ZNHIT2: variants seen among roughly 807,000 people sequenced by gnomAD.
ZNHIT2 encodes the protein zinc finger HIT domain-containing protein 2.
ZNHIT2 carries 16 observed loss-of-function variants against 18.0 expected under a neutral mutation model. The ratio of observed to expected loss-of-function variants is 0.89; its 90% CI spans 0.60 to 1.35. The LOEUF is 1.35. Among genes scored for constraint, ZNHIT2 ranks in the 40% most tolerant of loss-of-function variants. The probability of loss-of-function intolerance (pLI) is 0.00; values close to 1 mark genes in which losing one functional copy is unlikely to be tolerated. For synonymous variants in ZNHIT2, 336 were observed against 269.8 expected (o/e 1.25, Z -2.41); for missense variants, 631 against 566.4 (o/e 1.11, Z -1.16).
In ZNHIT2 at chr11:65,117,169, G is replaced by A; in HGVS notation, c.485C>T (p.Pro162Leu). The change falls in exon 1 of 1, where the codon CCG becomes CTG. Residue 162 changes from proline (P) to leucine (L), a missense_variant. Coordinates refer to ENST00000310597, the MANE Select transcript of ZNHIT2 (RefSeq NM_014205.4). ...GGAGGCATCTTTCACAGAATCCGGC[G>A]GGGTCCTCGCAGGGGCGAGCTCCAG... ...AELELAPART[P>L]PDSVKDASAA... The A allele has an allele frequency of 1.3e-6, 2 of 1,566,322 alleles. No individual in the cohort carries two copies. Among genetic ancestry groups the A allele is most frequent in the Non-Finnish European group, 1.7e-6 (2 of 1,161,290 alleles).
In ZNHIT2 at chr11:65,117,378, G is replaced by A. The variant is rs754508855; in HGVS notation, c.276C>T (p.Pro92=). 4.7e-6 allele frequency: 7 copies of A among 1,499,362 alleles called. No homozygotes were observed. The East Asian group carries it at 1.3e-4, about 28-fold the overall frequency. The allele number at this position is 1,499,362 out of a possible 1,614,324, so 92.9% of individuals were successfully genotyped here. A position where few individuals can be genotyped will look rare whatever the true frequency, so the allele number is the denominator to read the frequency against. ...GEAGLSSGPA[P]GGLSGLWERL... ...GCTCCCAGAGTCCCGATAGGCCGCCGGGCGCCGGGCCGGAGCTGAGGCCTG... is the reference window on the plus strand; with the variant it reads ...GCTCCCAGAGTCCCGATAGGCCGCCAGGCGCCGGGCCGGAGCTGAGGCCTG... The change falls in exon 1 of 1, where the codon CCC becomes CCT. Residue 92 remains proline, a synonymous_variant. Transcript: ENST00000310597.
chr11:65,117,042 G>A lies in ZNHIT2; in HGVS notation c.612C>T (p.Arg204=), dbSNP rs375448495. 68 of 1,594,016 alleles carry A rather than the reference G, an allele frequency of 4.3e-5. No individual in the cohort carries two copies. The highest frequency in any genetic ancestry group is 5.5e-5 in the Non-Finnish European group (65 of 1,172,734). The change falls in exon 1 of 1, where the codon CGC becomes CGT. Residue 204 remains arginine, a synonymous_variant. Transcript: ENST00000310597. ...AGCGCACGAGCGGCGAGACTGGGCC[G>A]CGGCTCAGGCTGACTATCGCGGGGA... ...TRIPAIVSLS[R]GPVSPLVRFQ...
chr11:65,117,478 G>A lies in ZNHIT2; in HGVS notation c.176C>T (p.Ala59Val). ...GGCGCTTGCTAGGCGGCTGGGAGGA[G>A]CGCTGCAACCGCGGAGCTCTCCCAG... Reference protein sequence around the residue: ...QVLGELRGCSAPPSRLASALR... With the variant: ...QVLGELRGCSVPPSRLASALR... The change falls in exon 1 of 1, where the codon GCT becomes GTT. Residue 59 changes from alanine (A) to valine (V), a missense_variant. Physicochemically the swap from Ala to Val is moderately conservative, Grantham distance 64. Coordinates refer to ENST00000310597, the MANE Select transcript of ZNHIT2 (RefSeq NM_014205.4). 1 of 1,561,774 alleles carries A rather than the reference G, an allele frequency of 6.4e-7. No individual in the cohort carries two copies. The highest frequency in any genetic ancestry group is 8.6e-7 in the Non-Finnish European group (1 of 1,163,304).
rs750406467 is a variant in ZNHIT2, at chr11:65,117,177, C to T, written c.477G>A (p.Ala159=). Residue 159 remains alanine, a synonymous_variant, in exon 1 of 1, where the codon GCG becomes GCA. Transcript: ENST00000310597. Reference sequence around the variant, plus strand: ...CTTTCACAGAATCCGGCGGGGTCCTCGCAGGGGCGAGCTCCAGCTCCGCGG... The same window carrying T: ...CTTTCACAGAATCCGGCGGGGTCCTTGCAGGGGCGAGCTCCAGCTCCGCGG... ...SDAAELELAP[A]RTPPDSVKDA... is the part of the protein sequence containing the mutation. The T allele has an allele frequency of 7.1e-6, 11 of 1,558,872 alleles. No homozygotes were observed. The highest frequency in any genetic ancestry group is 1.7e-4 in the Middle Eastern group (1 of 5,878).
chr11:65,117,454 G>C lies in ZNHIT2; in HGVS notation c.200C>G (p.Ala67Gly). 6.5e-7 allele frequency: 1 copy of C among 1,534,552 alleles called. No individual in the cohort carries two copies. The highest frequency in any genetic ancestry group is 8.7e-7 in the Non-Finnish European group (1 of 1,148,472). ...CSAPPSRLAS[A>G]LRRLRQQRET... ...GCGTTGCTGACGCAGCCGGCGTAGG[G>C]CGCTTGCTAGGCGGCTGGGAGGAGC... Residue 67 changes from alanine to glycine, a missense_variant, in exon 1 of 1, where the codon GCC becomes GGC. Physicochemically the swap from Ala to Gly is moderately conservative, Grantham distance 60. Coordinates refer to ENST00000310597, the MANE Select transcript of ZNHIT2 (RefSeq NM_014205.4).
Position 65,117,139 on chromosome 11 carries a change from G to GCGGCGGAGGCATCTTTCACAGAATC in ZNHIT2, c.490_514dup (p.Ala172GlyfsTer70). ...AACCCGCTCGGCGGCCGCGGGCTCC[G>GCGGCGGAGGCATCTTTCACAGAATC]CGGCGGAGGCATCTTTCACAGAATC... On this transcript the variant is annotated frameshift_variant, in exon 1 of 1. Coordinates refer to ENST00000310597, the MANE Select transcript of ZNHIT2 (RefSeq NM_014205.4). LOFTEE classifies it high-confidence loss of function. The GCGGCGGAGGCATCTTTCACAGAATC allele has an allele frequency of 6.3e-7, 1 of 1,578,588 alleles. No individual in the cohort carries two copies. The highest frequency in any genetic ancestry group is 1.3e-5 in the African/African-American group (1 of 74,326).
In ZNHIT2 at chr11:65,117,624, G is replaced by C; in HGVS notation, c.30C>G (p.Cys10Trp). The C allele has an allele frequency of 4.0e-6, 6 of 1,488,348 alleles. No individual in the cohort carries two copies. The highest frequency in any genetic ancestry group is 5.3e-6 in the Non-Finnish European group (6 of 1,123,232). 92.2% of individuals were successfully genotyped at this position (1,488,348 alleles called of 1,614,324 possible). The change falls in exon 1 of 1, where the codon TGC (cysteine) becomes TGG (tryptophan). Residue 10 changes from cysteine (C) to tryptophan (W), a missense_variant. Cys to Trp is a radical substitution (Grantham distance 215). Coordinates refer to ENST00000310597, the MANE Select transcript of ZNHIT2 (RefSeq NM_014205.4). MEPAGPCGF[C>W]PAGEVQPARY... ...GCGCTGGCTGGACCTCCCCCGCCGG[G>C]CAGAAGCCACAGGGCCCGGCCGGCT...
Position 65,117,116 on chromosome 11 carries a change from C to A in ZNHIT2, c.538G>T (p.Val180Phe). 6.3e-7 allele frequency: 1 copy of A among 1,583,066 alleles called. No individual in the cohort carries two copies. Reference protein sequence around the residue: ...SAAEPAAAERVLGDVPGACTP... With the variant: ...SAAEPAAAERFLGDVPGACTP... ...CAGGCCCCCGGGACATCTCCAAGAA[C>A]CCGCTCGGCGGCCGCGGGCTCCGCG... The change falls in exon 1 of 1, where the codon GTT becomes TTT. Residue 180 changes from valine to phenylalanine, a missense_variant. Val to Phe is a conservative substitution (Grantham distance 50). Transcript: ENST00000310597.
At position 65,116,628 on chromosome 11, in the gene ZNHIT2, G is replaced by A. The variant is rs754951975; in HGVS notation, c.1026C>T (p.Phe342=). The stretch of plus-strand genomic sequence containing the variant: ...CATTTTCGTTGGTCCAGGCCAGGAG[G>A]AACTGGCACTTTTTCCGGGCCCGGT... ...HLYRARKKCQ[F]LLAWTNENEA... Residue 342 remains phenylalanine, a synonymous_variant, in exon 1 of 1, where the codon TTC becomes TTT. Coordinates refer to ENST00000310597, the MANE Select transcript of ZNHIT2 (RefSeq NM_014205.4). The A allele has an allele frequency of 5.6e-6, 9 of 1,614,014 alleles. No individual in the cohort carries two copies. The highest frequency in any genetic ancestry group is 1.7e-4 in the Middle Eastern group (1 of 6,060).
Position 65,116,741 on chromosome 11 carries a change from AGCCT to A in ZNHIT2, c.909_912del (p.Lys303AsnfsTer56). 6.2e-7 allele frequency: 1 copy of A among 1,611,746 alleles called. No homozygotes were observed. The highest frequency in any genetic ancestry group is 8.5e-7 in the Non-Finnish European group (1 of 1,178,482). ...AGGTCCCCCAGTGCTGCCAGCGTGTAGCCTTTCTGGTTGGTCGGGCCCTCGCCCA... is the reference window on the plus strand; with the variant it reads ...AGGTCCCCCAGTGCTGCCAGCGTGTATTCTGGTTGGTCGGGCCCTCGCCCA... On this transcript the variant is annotated frameshift_variant, in exon 1 of 1. Coordinates refer to ENST00000310597, the MANE Select transcript of ZNHIT2 (RefSeq NM_014205.4). LOFTEE classifies it high-confidence loss of function.
In ZNHIT2 at chr11:65,116,808, G is replaced by C. The variant is rs1947993446; in HGVS notation, c.846C>G (p.Gly282=). The change falls in exon 1 of 1, where the codon GGC becomes GGG. Residue 282 remains glycine (G), a synonymous_variant. Coordinates refer to ENST00000310597, the MANE Select transcript of ZNHIT2 (RefSeq NM_014205.4). ...EAGEHPPGPL[G]TRGAMHEVAR... ...CGACCTCGTGCATAGCCCCTCGTGT[G>C]CCCAGGGGCCCCGGCGGGTGCTCGC... The C allele has an allele frequency of 2.5e-6, 4 of 1,609,374 alleles. No homozygotes were observed. The South Asian group carries it at 4.4e-5, about 18-fold the overall frequency.
At position 65,116,794 on chromosome 11, in the gene ZNHIT2, A is replaced by G. The variant is rs901814810; in HGVS notation, c.860T>C (p.Met287Thr). The part of the protein sequence containing the change: ...PPGPLGTRGA[M>T]HEVARILLGE... Reference sequence around the variant, plus strand: ...CAGCAGGATGCGGGCGACCTCGTGCATAGCCCCTCGTGTGCCCAGGGGCCC... The same window carrying G: ...CAGCAGGATGCGGGCGACCTCGTGCGTAGCCCCTCGTGTGCCCAGGGGCCC... The change falls in exon 1 of 1, where the codon ATG (methionine) becomes ACG (threonine). Residue 287 changes from methionine (M) to threonine (T), a missense_variant. Transcript: ENST00000310597. 3 of 1,609,282 alleles carry G rather than the reference A, an allele frequency of 1.9e-6. No individual in the cohort carries two copies. The South Asian group carries it at 3.3e-5, about 18-fold the overall frequency.
chr11:65,116,411 C>A lies in ZNHIT2; in HGVS notation c.*31G>T. 1 of 1,509,124 alleles carries A rather than the reference C, an allele frequency of 6.6e-7. No individual in the cohort carries two copies. The highest frequency in any genetic ancestry group is 8.9e-7 in the Non-Finnish European group (1 of 1,128,288). 93.5% of individuals were successfully genotyped at this position (1,509,124 alleles called of 1,614,324 possible). A position where few individuals can be genotyped will look rare whatever the true frequency, so the allele number is the denominator to read the frequency against. ...GAAACAAGCAACAGGGCTGACCAGT[C>A]ACAGCTTTATTAATGACCAGGGTAA... On this transcript the variant is annotated 3_prime_UTR_variant, in exon 1 of 1. Coordinates refer to ENST00000310597, the MANE Select transcript of ZNHIT2 (RefSeq NM_014205.4).
chr11:65,117,094 G>C lies in ZNHIT2; in HGVS notation c.560C>G (p.Ala187Gly), dbSNP rs1947999491. The C allele has an allele frequency of 6.3e-7, 1 of 1,592,206 alleles. No homozygotes were observed. The highest frequency in any genetic ancestry group is 1.1e-5 in the South Asian group (1 of 89,428). The change falls in exon 1 of 1, where the codon GCC becomes GGC. Residue 187 changes from alanine (A) to glycine (G), a missense_variant. By Grantham distance (60) the Ala-to-Gly change is moderately conservative. Coordinates refer to ENST00000310597, the MANE Select transcript of ZNHIT2 (RefSeq NM_014205.4). ...GCGGGTGGGTACGACGGGCGTGCAG[G>C]CCCCCGGGACATCTCCAAGAACCCG... ...AERVLGDVPG[A>G]CTPVVPTRIP... is the part of the protein sequence containing the mutation.
At position 65,117,417 on chromosome 11, in the gene ZNHIT2, G is replaced by A. The variant is rs1476547525; in HGVS notation, c.237C>T (p.Asp79=). The change falls in exon 1 of 1, where the codon GAC becomes GAT. Residue 79 remains aspartate (D), a synonymous_variant. Coordinates refer to ENST00000310597, the MANE Select transcript of ZNHIT2 (RefSeq NM_014205.4). Reference sequence around the variant, plus strand: ...AGCTGAGGCCTGCTTCCCCAGGCTCGTCCTCGGTCTCGCGTTGCTGACGCA... The same window carrying A: ...AGCTGAGGCCTGCTTCCCCAGGCTCATCCTCGGTCTCGCGTTGCTGACGCA... ...RRLRQQRETE[D]EPGEAGLSSG... 2 of 1,495,468 alleles carry A rather than the reference G, an allele frequency of 1.3e-6. No homozygotes were observed. The highest frequency in any genetic ancestry group is 1.3e-5 in the South Asian group (1 of 79,596). The allele number at this position is 1,495,468 out of a possible 1,614,324, so 92.6% of individuals were successfully genotyped here. A position where few individuals can be genotyped will look rare whatever the true frequency, so the allele number is the denominator to read the frequency against.
chr11:65,117,388 C>G lies in ZNHIT2; in HGVS notation c.266G>C (p.Gly89Ala), dbSNP rs550156672. The change falls in exon 1 of 1, where the codon GGC becomes GCC. Residue 89 changes from glycine (G) to alanine (A), a missense_variant. Physicochemically the swap from Gly to Ala is moderately conservative, Grantham distance 60. Coordinates refer to ENST00000310597, the MANE Select transcript of ZNHIT2 (RefSeq NM_014205.4). ...DEPGEAGLSS[G>A]PAPGGLSGLW... Reference sequence around the variant, plus strand: ...TCCCGATAGGCCGCCGGGCGCCGGGCCGGAGCTGAGGCCTGCTTCCCCAGG... The same window carrying G: ...TCCCGATAGGCCGCCGGGCGCCGGGGCGGAGCTGAGGCCTGCTTCCCCAGG... The G allele has an allele frequency of 2.0e-6, 3 of 1,497,446 alleles. No homozygotes were observed. The highest frequency in any genetic ancestry group is 2.6e-5 in the East Asian group (1 of 38,486). The allele number at this position is 1,497,446 out of a possible 1,614,324, so 92.8% of individuals were successfully genotyped here.
Position 65,117,399 on chromosome 11 carries a change from G to A in ZNHIT2, c.255C>T (p.Gly85=), listed in dbSNP as rs771499798. The A allele has an allele frequency of 1.7e-5, 26 of 1,496,360 alleles. No homozygotes were observed. In the Admixed American group the frequency reaches 3.8e-4, roughly 22 times the overall value. 92.7% of individuals were successfully genotyped at this position (1,496,360 alleles called of 1,614,324 possible). ...CGCCGGGCGCCGGGCCGGAGCTGAG[G>A]CCTGCTTCCCCAGGCTCGTCCTCGG... The part of the protein sequence containing the change: ...RETEDEPGEA[G]LSSGPAPGGL... The change falls in exon 1 of 1, where the codon GGC becomes GGT. Residue 85 remains glycine, a synonymous_variant. Transcript: ENST00000310597.
At position 65,117,046 on chromosome 11, in the gene ZNHIT2, C is replaced by T; in HGVS notation, c.608G>A (p.Ser203Asn). 2 of 1,594,276 alleles carry T rather than the reference C, an allele frequency of 1.3e-6. No homozygotes were observed. Among genetic ancestry groups the T allele is most frequent in the Non-Finnish European group, 1.7e-6 (2 of 1,172,814 alleles). ...PTRIPAIVSL[S>N]RGPVSPLVRF... ...CACGAGCGGCGAGACTGGGCCGCGG[C>T]TCAGGCTGACTATCGCGGGGATGCG... The change falls in exon 1 of 1, where the codon AGC becomes AAC. Residue 203 changes from serine to asparagine, a missense_variant. Transcript: ENST00000310597.
rs543297069 is a variant in ZNHIT2, at chr11:65,116,859, C to T, written c.795G>A (p.Gln265=). ...CTGCTTCCAGCACGTGGGCTGCCGC[C>T]TGCAGGGCTTCTTCCGCAGAGGCGA... is the stretch of plus-strand genomic sequence containing the variant. The part of the protein sequence containing the change: ...QVFASAEEAL[Q]AAAHVLEAGE... Residue 265 remains glutamine, a synonymous_variant, in exon 1 of 1, where the codon CAG becomes CAA. Transcript: ENST00000310597. 1.2e-6 allele frequency: 2 copies of T among 1,605,586 alleles called. No homozygotes were observed. Among genetic ancestry groups the T allele is most frequent in the African/African-American group, 1.3e-5 (1 of 75,002 alleles).
Sources: allele counts gnomAD v4.1 joint callset, GRCh38; gene constraint gnomAD v4.1.1; transcripts MANE v1.5; gene names NCBI Gene and HGNC (gene_info 2026-07-23, HGNC 2026-07-21).